The following ITGAL variants were observed in gnomAD, a reference collection of about 807,000 sequenced individuals.
ITGAL encodes the protein integrin subunit alpha L, also known as integrin alpha-L.
In ITGAL, 68 loss-of-function variants were observed where a neutral mutation model predicts 138.4. The observed-to-expected ratio is 0.49, with a 90% confidence interval of 0.40 to 0.60. The LOEUF (loss-of-function observed/expected upper bound fraction) is 0.60, where lower values mean the gene tolerates loss of function less well. ITGAL is among the 20% of genes least tolerant of loss of function. The pLI is 0.00. For missense variants in ITGAL, 1,256 were observed against 1,478.6 expected (o/e 0.85, Z 2.47); for synonymous variants, 561 against 584.3 (o/e 0.96, Z 0.57).
rs751973515 is a variant in ITGAL at position 30,494,385 on chromosome 16, C to T, written c.1365+22C>T. 2 of 1,582,098 alleles carry T rather than the reference C, an allele frequency of 1.3e-6. No individual in the cohort carries two copies. The highest frequency in any genetic ancestry group is 2.2e-5 in the South Asian group (2 of 89,262). ...CCAGGTGCGCCCAGTCCGAGGGCAT[C>T]TGCAGACCAGGGACTGGCGGGACAC... On this transcript the variant is annotated intron_variant, in intron 12 of 30. Transcript: ENST00000356798. This position sits in a 1 kb window ranked among gnomAD's most constrained non-coding sequence, Gnocchi z 4.2.
At chr16:30,513,960 C>T in intron 25 of ITGAL, 114 bp downstream of exon 25, 1 of 786,014 alleles carries the variant, frequency 1.3e-6, no homozygotes, top group Non-Finnish European at 2.2e-6. Flanking sequence ...TCCAACTGTT[C>T]AATAATCCTT....
intron 9 of ITGAL, among the ~76,000 whole-genome samples, chr16:30,487,711 T>A (rs2050667735): frequency 1.5e-5 from 2 of 130,756 alleles, no homozygotes; most frequent in South Asian, 4.7e-4. Flanking sequence ...TGTGCCTGGC[T>A]TTTTTTTTTT....
At chr16:30,504,124 G>A in intron 17 of ITGAL, 51 bp from the exon 18 acceptor site, 1 of 1,353,452 alleles carries the variant, frequency 7.4e-7, no homozygotes, top group Non-Finnish European at 1.1e-6. Flanking sequence ...CTAATCGGAA[G>A]TGCGGTAAAA....
intron 4 of ITGAL, among the ~76,000 whole-genome samples, chr16:30,475,910 C>T (rs1251071113): frequency 4.0e-5 from 6 of 151,818 alleles, no homozygotes; most frequent in Non-Finnish European, 5.9e-5. Flanking sequence ...TGCTACCATG[C>T]CCAGCTAATT....
At chr16:30,504,566 T>C (rs2050954903) in intron 18 of ITGAL, among the ~76,000 whole-genome samples, 1 of 151,910 alleles carries the variant, frequency 6.6e-6, no homozygotes, top group African/African-American at 2.4e-5. Flanking sequence ...GTTATTGTGA[T>C]GGTGCGCCCC....
At chr16:30,513,697 G>A in intron 24 of ITGAL, 74 bp from the exon 25 acceptor site, 1 of 1,086,692 alleles carries the variant, frequency 9.2e-7, no homozygotes, top group South Asian at 1.2e-5. Flanking sequence ...CACAGTGGCT[G>A]GGCGCTCAGA....
At chr16:30,502,395 T>G (rs1445635913) in intron 17 of ITGAL, among the ~76,000 whole-genome samples, 1 of 48,356 alleles carries the variant, frequency 2.1e-5, no homozygotes, top group African/African-American at 8.8e-5. Context: ...AGACTCCATC[T>G]CAAAAAAAAA....
At chr16:30,476,250 C>CA (rs1297523874) in intron 4 of ITGAL, among the ~76,000 whole-genome samples, 119 of 131,434 alleles carry the variant, frequency 9.1e-4, no homozygotes, top group Admixed American at 2.1e-3. Flanking sequence ...AATTCCGTTT[C>CA]AAAAAAAAAA....
intron 11 of ITGAL, among the ~76,000 whole-genome samples, chr16:30,493,281 A>ATTTTT (rs377567061): frequency 1.1e-5 from 1 of 91,700 alleles, no homozygotes; most frequent in Non-Finnish European, 2.4e-5. Context: ...ATTTTATTTT[A>ATTTTT]TTTATTTATT....
intron 15 of ITGAL, among the ~76,000 whole-genome samples, chr16:30,496,778 A>G (rs1486479769): frequency 6.7e-6 from 1 of 149,754 alleles, no homozygotes; most frequent in Non-Finnish European, 1.5e-5. Context: ...GGTAGCTGAG[A>G]CTACAGGTGC....
At position 30,494,392 on chromosome 16, in the gene ITGAL, C is replaced by G. The variant is rs2050771040; in HGVS notation, c.1365+29C>G. The G allele has an allele frequency of 6.4e-7, 1 of 1,574,534 alleles. No individual in the cohort carries two copies. The highest frequency in any genetic ancestry group is 8.7e-7 in the Non-Finnish European group (1 of 1,154,202). On this transcript the variant is annotated intron_variant, in intron 12 of 30. Coordinates refer to ENST00000356798, the MANE Select transcript of ITGAL (RefSeq NM_002209.3). The surrounding 1 kb of genome is among the most constrained non-coding windows in gnomAD (Gnocchi z 4.2). ...CGCCCAGTCCGAGGGCATCTGCAGA[C>G]CAGGGACTGGCGGGACACACATCAC...
chr16:30,504,099 T>C (rs2050947063), intron 17 of ITGAL, 76 bp from the exon 18 acceptor site: 5 of 1,112,210 alleles, frequency 4.5e-6, no homozygotes, highest in Non-Finnish European at 5.5e-6. Flanking sequence ...TGTAAAATGC[T>C]GACAAGGTAT....
chr16:30,507,728 C>T (rs994787513), intron 21 of ITGAL, among the ~76,000 whole-genome samples: 1 of 152,014 alleles, frequency 6.6e-6, no homozygotes, highest in Non-Finnish European at 1.5e-5. Context: ...CTCAAGCGAT[C>T]TGCCTACCTC....
intron 22 of ITGAL, 61 bp from the exon 23 acceptor site, chr16:30,510,820 G>A (rs1327820115): frequency 7.8e-7 from 1 of 1,285,084 alleles, no homozygotes; most frequent in African/African-American, 1.5e-5. Context: ...ATTAGATGTG[G>A]GGGCCATGAG....
At position 30,494,206 on chromosome 16, in the gene ITGAL, C is replaced by G. The variant is rs780494206; in HGVS notation, c.1214-6C>G. 3.1e-6 allele frequency: 5 copies of G among 1,595,218 alleles called. No individual in the cohort carries two copies. Among genetic ancestry groups the G allele is most frequent in the Non-Finnish European group, 8.6e-7 (1 of 1,166,906 alleles). On this transcript the variant is annotated splice_polypyrimidine_tract_variant and splice_region_variant and intron_variant, in intron 11 of 30. Transcript: ENST00000356798. The surrounding 1 kb of genome is among the most constrained non-coding windows in gnomAD (Gnocchi z 4.2). ...CCTAACTCCACACCCCACACACTTT[C>G]CTCAGGTTACACCGTGACCTGGCTG...
intron 15 of ITGAL, among the ~76,000 whole-genome samples, chr16:30,496,767 G>A (rs942442201): frequency 1.3e-5 from 2 of 151,370 alleles, no homozygotes; most frequent in Non-Finnish European, 2.9e-5. Context: ...TCAGCCTCTC[G>A]GGTAGCTGAG....
intron 25 of ITGAL, among the ~76,000 whole-genome samples, chr16:30,514,213 C>A (rs1433117362): frequency 2.0e-5 from 3 of 152,076 alleles, no homozygotes; most frequent in African/African-American, 7.2e-5. Context: ...CAAGTTCAAG[C>A]AATTCTCCTG....
chr16:30,479,007 T>C, intron 4 of ITGAL, 84 bp from the exon 5 acceptor site: 1 of 993,894 alleles, frequency 1.0e-6, no homozygotes, highest in East Asian at 2.4e-5. Flanking sequence ...ACAAGGACTC[T>C]GAACGTTCCT....
rs35168952 is a variant in ITGAL at position 30,477,149 on chromosome 16, T to C, written c.327+1569T>C. 1.3e-4 allele frequency: 20 copies of C among 152,208 alleles called. 1 individual carries two copies. The highest frequency in any genetic ancestry group is 1.1e-3 in the Admixed American group (17 of 15,262). 9.4% of individuals were successfully genotyped at this position (152,208 alleles called of 1,614,324 possible). A position where few individuals can be genotyped will look rare whatever the true frequency, so the allele number is the denominator to read the frequency against. ...AGCCAGCATCCTTCTGTGTGAGAGA[T>C]AGAAGACTGAGTGAAATATTCATCC... is the stretch of plus-strand genomic sequence containing the variant. On this transcript the variant is annotated intron_variant, in intron 4 of 30. Transcript: ENST00000356798.
Sources: allele counts gnomAD v4.1 joint callset (sites outside exome capture counted in the v4.1 genomes callset), GRCh38; gene constraint gnomAD v4.1.1; non-coding constraint Gnocchi (gnomAD v3.1); transcripts MANE v1.5; gene names NCBI Gene and HGNC (gene_info 2026-07-23, HGNC 2026-07-21).